The following BMPR2 variants were observed in gnomAD, a reference collection of about 807,000 sequenced individuals.
The protein encoded by BMPR2 is bone morphogenetic protein receptor type 2, also known as bone morphogenetic protein receptor type-2.
Under a neutral mutation model 100.8 loss-of-function variants are expected in BMPR2, and 29 were observed. That is an observed-to-expected ratio of 0.29 (90% CI 0.21 to 0.39). The LOEUF (loss-of-function observed/expected upper bound fraction) is 0.39, where lower values mean the gene tolerates loss of function less well. Among genes scored for constraint, BMPR2 ranks in the 10% least tolerant of loss-of-function variants. The pLI, the probability that BMPR2 is intolerant of heterozygous loss-of-function variation, is 1.00. For missense variants in BMPR2, 1,011 were observed against 1,274.5 expected (o/e 0.79, Z 3.15); for synonymous variants, 382 against 442.3 (o/e 0.86, Z 1.71).
Position 202,422,693 on chromosome 2 carries a change from T to G in BMPR2, c.77-42116T>G, listed in dbSNP as rs565288665. On this transcript the variant is annotated intron_variant, in intron 1 of 12. Coordinates refer to ENST00000374580, the MANE Select transcript of BMPR2 (RefSeq NM_001204.7). ...TTGTTTTGTTTTGTTTTGCTTTGTT[T>G]TGAGATAGAGTCTCCCTCTGTCTCC... is the stretch of plus-strand genomic sequence containing the variant. Among the ~76,000 whole-genome samples the G allele has an allele frequency of 6.6e-4, 101 of 152,214 alleles. 1 individual carries two copies. The highest frequency in any genetic ancestry group is 2.3e-3 in the African/African-American group (95 of 41,536).
intron 1 of BMPR2, among the ~76,000 whole-genome samples, chr2:202,445,390 C>CT (rs1352390137): frequency 2.0e-5 from 3 of 149,706 alleles, no homozygotes; most frequent in Non-Finnish European, 4.4e-5. Flanking sequence ...ACATGCCTGG[C>CT]TAATTTTTTA....
intron 3 of BMPR2, among the ~76,000 whole-genome samples, chr2:202,506,275 G>C (rs953856281): frequency 2.0e-5 from 3 of 151,964 alleles, no homozygotes; most frequent in Non-Finnish European, 2.9e-5. Flanking sequence ...TCCTGCCTCA[G>C]CCTCCCAAGT....
chr2:202,513,888 T>G, intron 4 of BMPR2, 59 bp downstream of exon 4: 1 of 1,346,744 alleles, frequency 7.4e-7, no homozygotes, highest in South Asian at 1.2e-5. Context: ...ATCAATTTAT[T>G]TGCTCCTTTT....
intron 1 of BMPR2, among the ~76,000 whole-genome samples, chr2:202,399,083 G>A (rs1293891641): frequency 6.6e-6 from 1 of 152,074 alleles, no homozygotes; most frequent in African/African-American, 2.4e-5. Context: ...AGCCGAGATC[G>A]TGCCATTGCA....
At chr2:202,471,618 AG>A (rs1559048739) in intron 3 of BMPR2, among the ~76,000 whole-genome samples, 1 of 152,184 alleles carries the variant, frequency 6.6e-6, no homozygotes, top group Admixed American at 6.5e-5. Flanking sequence ...TGTTACAAAA[AG>A]GGGGATCGCA....
Position 202,495,490 on chromosome 2 carries a change from C to G in BMPR2, c.419-18229C>G, listed in dbSNP as rs937786734. 6.6e-5 allele frequency among the ~76,000 whole-genome samples: 10 copies of G among 152,166 alleles called. No homozygotes were observed. Among genetic ancestry groups the G allele is most frequent in the African/African-American group, 2.4e-4 (10 of 41,440 alleles). Reference sequence around the variant, plus strand: ...TCTTCCGCCGATGTGCTCCTCTTTACGTCTGGCCGCCTGTGTGTCTGCCTG... The same window carrying G: ...TCTTCCGCCGATGTGCTCCTCTTTAGGTCTGGCCGCCTGTGTGTCTGCCTG... On this transcript the variant is annotated intron_variant, in intron 3 of 12. Transcript: ENST00000374580. The surrounding 1 kb of genome is among the most constrained non-coding windows in gnomAD (Gnocchi z 4.5).
intron 1 of BMPR2, among the ~76,000 whole-genome samples, chr2:202,418,520 A>G (rs77881051): frequency 0.036 from 5,506 of 152,342 alleles, 330 homozygotes; most frequent in African/African-American, 0.13. Flanking sequence ...CATGTGTCCA[A>G]GGTGCTTGGG....
At chr2:202,414,798 G>C (rs570171207) in intron 1 of BMPR2, among the ~76,000 whole-genome samples, 1 of 152,154 alleles carries the variant, frequency 6.6e-6, no homozygotes, top group African/African-American at 2.4e-5. Flanking sequence ...GGAGTGCAGT[G>C]GTTCAATCTT....
At chr2:202,399,384 G>A (rs577314985) in intron 1 of BMPR2, among the ~76,000 whole-genome samples, 3 of 152,264 alleles carry the variant, frequency 2.0e-5, no homozygotes, top group African/African-American at 4.8e-5. Flanking sequence ...GAAAGAGCTC[G>A]ATATTTCACA....
Position 202,563,054 on chromosome 2 carries a change from T to G in BMPR2, c.*3108T>G, listed in dbSNP as rs1002669109. 4 of 152,182 alleles carry G rather than the reference T, an allele frequency of 2.6e-5. No individual in the cohort carries two copies. The highest frequency in any genetic ancestry group is 7.2e-5 in the African/African-American group (3 of 41,454). 9.4% of individuals were successfully genotyped at this position (152,182 alleles called of 1,614,324 possible). A position where few individuals can be genotyped will look rare whatever the true frequency, so the allele number is the denominator to read the frequency against. On this transcript the variant is annotated 3_prime_UTR_variant, in exon 13 of 13. Coordinates refer to ENST00000374580, the MANE Select transcript of BMPR2 (RefSeq NM_001204.7). ...AACAGACAAAGCTGGGATTTCAGTC[T>G]ATGTCTGCCTCTCTCCACATCTCTT...
chr2:202,494,946 C>T (rs1692991037), intron 3 of BMPR2, among the ~76,000 whole-genome samples: 1 of 152,038 alleles, frequency 6.6e-6, no homozygotes, highest in Non-Finnish European at 1.5e-5. Context: ...TGACAGGGTG[C>T]GTGATGCGGG....
intron 1 of BMPR2, among the ~76,000 whole-genome samples, chr2:202,434,590 T>C (rs1179671047): frequency 2.7e-5 from 4 of 149,886 alleles, no homozygotes; most frequent in Non-Finnish European, 4.4e-5. Flanking sequence ...CTGATTTGGC[T>C]CCTTCTGACT....
At chr2:202,423,327 A>G (rs1355183267) in intron 1 of BMPR2, among the ~76,000 whole-genome samples, 1 of 152,224 alleles carries the variant, frequency 6.6e-6, no homozygotes, top group African/African-American at 2.4e-5. Flanking sequence ...ATTTCTTGCC[A>G]GGCTGACAGG....
At chr2:202,491,035 A>C (rs1157937551) in intron 3 of BMPR2, among the ~76,000 whole-genome samples, 2 of 151,842 alleles carry the variant, frequency 1.3e-5, no homozygotes, top group African/African-American at 4.8e-5. Flanking sequence ...GGTTCAATTG[A>C]TTCTCCTACC....
intron 1 of BMPR2, among the ~76,000 whole-genome samples, chr2:202,445,600 T>C (rs1691833614): frequency 6.7e-6 from 1 of 149,494 alleles, no homozygotes; most frequent in African/African-American, 2.6e-5. Context: ...CCACCAACAG[T>C]GTATAAGGGT....
At chr2:202,535,221 G>A (rs1345758730) in intron 9 of BMPR2, among the ~76,000 whole-genome samples, 4 of 150,766 alleles carry the variant, frequency 2.7e-5, no homozygotes, top group South Asian at 2.1e-4. Context: ...GGTGGCTGCC[G>A]GGCGGAGACA....
In BMPR2 at chr2:202,555,642, A is replaced by C. The variant is rs187120699; in HGVS notation, c.1977A>C (p.Thr659=). ...CAACCCCTGTCTGCTTACAGCTGAC[A>C]GAAGAAGACTTGGAAACCAACAAGC... is the stretch of plus-strand genomic sequence containing the variant. ...IGPTPVCLQL[T]EEDLETNKLD... Residue 659 remains threonine (T), a synonymous_variant, in exon 12 of 13, where the codon ACA becomes ACC. Coordinates refer to ENST00000374580, the MANE Select transcript of BMPR2 (RefSeq NM_001204.7). 2 of 1,614,196 alleles carry C rather than the reference A, an allele frequency of 1.2e-6. No individual in the cohort carries two copies. Among genetic ancestry groups the C allele is most frequent in the East Asian group, 4.5e-5 (2 of 44,884 alleles).
At chr2:202,492,423 C>T (rs547227323) in intron 3 of BMPR2, among the ~76,000 whole-genome samples, 1 of 151,992 alleles carries the variant, frequency 6.6e-6, no homozygotes, top group East Asian at 1.9e-4. Flanking sequence ...TGGGCGGTTA[C>T]AAGTGGTGAC....
intron 10 of BMPR2, among the ~76,000 whole-genome samples, chr2:202,546,512 G>A (rs1574502070): frequency 1.3e-5 from 2 of 152,154 alleles, no homozygotes; most frequent in African/African-American, 4.8e-5. Context: ...TGAATATTGA[G>A]TTCATAAATG....
Sources: gnomAD v4.1 joint callset for allele counts (sites outside exome capture counted in the v4.1 genomes callset) on GRCh38, gnomAD v4.1.1 for gene constraint, Gnocchi (gnomAD v3.1) non-coding constraint, MANE v1.5 for transcripts, NCBI Gene and HGNC (gene_info 2026-07-23, HGNC 2026-07-21) for gene names.